Variants in SHROOM3 observed in about 807,000 individuals in gnomAD.
SHROOM3 encodes protein Shroom3.
A neutral mutation model predicts 138.6 loss-of-function variants in SHROOM3; 47 were observed. That is an observed-to-expected ratio of 0.34 (90% CI 0.27 to 0.43). The LOEUF (loss-of-function observed/expected upper bound fraction) is 0.43, where lower values mean the gene tolerates loss of function less well. Among genes scored for constraint, SHROOM3 ranks in the 20% least tolerant of loss-of-function variants. The pLI is 1.00. For missense variants in SHROOM3, 2,491 were observed against 2,596.5 expected (o/e 0.96, Z 0.88); for synonymous variants, 1,062 against 1,063.3 (o/e 1.00, Z 0.02).
At chr4:76,638,066 T>C (rs1202181272) in intron 2 of SHROOM3, among the ~76,000 whole-genome samples, 1 of 152,048 alleles carries the variant, frequency 6.6e-6, no homozygotes, top group Non-Finnish European at 1.5e-5. Context: ...CTTGGAGAGG[T>C]CAAAGAAAGC....
rs1414512165 is a variant in SHROOM3, at chr4:76,646,227, T to TAAATAA, written c.324-63928_324-63927insAATAAA. On this transcript the variant is annotated intron_variant, in intron 2 of 10. Coordinates refer to ENST00000296043, the MANE Select transcript of SHROOM3 (RefSeq NM_020859.4). Reference sequence around the variant, plus strand: ...TAGAACTTAAAGTATAATAAATAAATATATATATATATATATATATAAAAT... The same window carrying TAAATAA: ...TAGAACTTAAAGTATAATAAATAAATAAATAAATATATATATATATATATATAAAAT... Among the ~76,000 whole-genome samples the TAAATAA allele has an allele frequency of 1.3e-3, 166 of 130,198 alleles. 5 individuals carry two copies. The highest frequency in any genetic ancestry group is 3.2e-3 in the African/African-American group (113 of 34,816). The allele number at this position is 130,198 out of a possible 152,430, so 85.4% of individuals were successfully genotyped here. A position where few individuals can be genotyped will look rare whatever the true frequency, so the allele number is the denominator to read the frequency against.
rs942623716 is a variant in SHROOM3, at chr4:76,754,902, C to G, written c.4419C>G (p.Asp1473Glu). Residue 1473 changes from aspartate to glutamate, a missense_variant, in exon 7 of 11, where the codon GAC becomes GAG. This residue lies in a region of SHROOM3 where 1,733 missense variants were observed against 1,661.6 expected (regional missense o/e 1.04). Coordinates refer to ENST00000296043, the MANE Select transcript of SHROOM3 (RefSeq NM_020859.4). ...LPSLCSTSDPDTPLGAPSTPG... is the reference protein window; with the variant it reads ...LPSLCSTSDPETPLGAPSTPG... The stretch of plus-strand genomic sequence containing the variant: ...GTTTATGCAGCACTTCTGACCCAGA[C>G]ACACCTCTTGGGGCCCCGAGCACTC... The G allele has an allele frequency of 3.1e-6, 5 of 1,614,222 alleles. No individual in the cohort carries two copies. The highest frequency in any genetic ancestry group is 4.2e-6 in the Non-Finnish European group (5 of 1,180,026).
intron 6 of SHROOM3, among the ~76,000 whole-genome samples, chr4:76,751,812 C>T (rs1002347090): frequency 6.6e-6 from 1 of 152,132 alleles, no homozygotes; most frequent in Non-Finnish European, 1.5e-5. Flanking sequence ...GAAAAACAAC[C>T]AGTGTTGGTG....
At chr4:76,547,273 G>C (rs1439768372) in intron 1 of SHROOM3, among the ~76,000 whole-genome samples, 2 of 152,200 alleles carry the variant, frequency 1.3e-5, no homozygotes, top group Non-Finnish European at 2.9e-5. Context: ...GGGCTCTGAG[G>C]TTAGTCTTGA....
intron 2 of SHROOM3, among the ~76,000 whole-genome samples, chr4:76,642,311 C>T (rs544591805): frequency 1.2e-4 from 19 of 152,264 alleles, no homozygotes; most frequent in Non-Finnish European, 2.8e-4. Context: ...CACCCTCAAC[C>T]CCCAAAGCCA....
chr4:76,650,277 C>G (rs1356400785), intron 2 of SHROOM3, among the ~76,000 whole-genome samples: 2 of 152,142 alleles, frequency 1.3e-5, no homozygotes. Context: ...ATTCAAAAGA[C>G]AGGCAATGAC....
chr4:76,457,495 ATTT>A, intron 1 of SHROOM3, among the ~76,000 whole-genome samples: 1 of 142,514 alleles, frequency 7.0e-6, no homozygotes, highest in African/African-American at 2.6e-5. Flanking sequence ...TTTCTTTATA[ATTT>A]TTTTTTTTTT....
In SHROOM3 at chr4:76,614,850, G is replaced by C. The variant is rs966456139; in HGVS notation, c.323+59087G>C. Among the ~76,000 whole-genome samples the C allele has an allele frequency of 2.6e-5, 4 of 152,338 alleles. No individual in the cohort carries two copies. In the East Asian group the frequency reaches 7.7e-4, roughly 29 times the overall value. ...AGTCAAATGCCATTTGCAGATGCTGGCCTGGGGTCAGAGAGGCTCATGGAA... is the reference window on the plus strand; with the variant it reads ...AGTCAAATGCCATTTGCAGATGCTGCCCTGGGGTCAGAGAGGCTCATGGAA... On this transcript the variant is annotated intron_variant, in intron 2 of 10. Transcript: ENST00000296043.
rs140465589 is a variant in SHROOM3 at position 76,751,933 on chromosome 4, A to C, written c.3828-2378A>C. On this transcript the variant is annotated intron_variant, in intron 6 of 10. Coordinates refer to ENST00000296043, the MANE Select transcript of SHROOM3 (RefSeq NM_020859.4). ...AGAACATTAAAAATAGAACTACCAT[A>C]TGATCTGGCAATGCCACTTCAGAGT... is the stretch of plus-strand genomic sequence containing the variant. 3.7e-3 allele frequency among the ~76,000 whole-genome samples: 561 copies of C among 152,342 alleles called. 19 individuals are homozygous for C. The highest frequency in any genetic ancestry group is 0.034 in the Admixed American group (518 of 15,308).
At chr4:76,689,404 C>T (rs1314685548) in intron 2 of SHROOM3, among the ~76,000 whole-genome samples, 9 of 136,390 alleles carry the variant, frequency 6.6e-5, no homozygotes, top group African/African-American at 2.3e-4. Context: ...GTGCGGCGGG[C>T]GCGGGGTGGA....
intron 1 of SHROOM3, among the ~76,000 whole-genome samples, chr4:76,529,360 A>G (rs1579215388): frequency 6.6e-6 from 1 of 151,288 alleles, no homozygotes; most frequent in East Asian, 1.9e-4. Flanking sequence ...TCTGTTGCCC[A>G]GGCTGGAGTG....
At chr4:76,451,322 C>T (rs916191303) in intron 1 of SHROOM3, among the ~76,000 whole-genome samples, 2 of 152,190 alleles carry the variant, frequency 1.3e-5, no homozygotes, top group Non-Finnish European at 1.5e-5. Flanking sequence ...AAGCATGTCA[C>T]AGAGTCCTAA....
chr4:76,494,915 AAAAC>A lies in SHROOM3; in HGVS notation c.168+58712_168+58715del, dbSNP rs367734035. Among the ~76,000 whole-genome samples the A allele has an allele frequency of 5.3e-3, 813 of 152,304 alleles. 8 individuals are homozygous for A. The highest frequency in any genetic ancestry group is 0.019 in the African/African-American group (778 of 41,560). On this transcript the variant is annotated intron_variant, in intron 1 of 10. Transcript: ENST00000296043. ...ATAATTCAAAGGCCTGTTCTGTTAA[AAAAC>A]AAACAAACAAACAAACTCTTAACTA... is the stretch of plus-strand genomic sequence containing the variant.
chr4:76,767,919 T>G (rs1722216357), intron 9 of SHROOM3, among the ~76,000 whole-genome samples: 1 of 152,216 alleles, frequency 6.6e-6, no homozygotes, highest in Admixed American at 6.5e-5. Flanking sequence ...TTCTAGAAAT[T>G]CTGCTTCTCA....
At chr4:76,732,179 C>T (rs535701620) in intron 4 of SHROOM3, among the ~76,000 whole-genome samples, 1 of 152,232 alleles carries the variant, frequency 6.6e-6, no homozygotes, top group East Asian at 1.9e-4. Flanking sequence ...GCTTAGATAG[C>T]GCTAATGTAG....
chr4:76,552,072 A>C lies in SHROOM3; in HGVS notation c.169-3537A>C, dbSNP rs182855471. Among the ~76,000 whole-genome samples, 47 of 149,076 alleles carry C rather than the reference A, an allele frequency of 3.2e-4. 1 individual carries two copies. The East Asian group carries it at 8.5e-3, about 27-fold the overall frequency. The stretch of plus-strand genomic sequence containing the variant: ...GAGACGGGGTTTCACCGTGTTAGCC[A>C]GGATGGACTCGATCTCCTGACCTTG... On this transcript the variant is annotated intron_variant, in intron 1 of 10. Coordinates refer to ENST00000296043, the MANE Select transcript of SHROOM3 (RefSeq NM_020859.4).
chr4:76,745,347 GT>G (rs1353213428), intron 5 of SHROOM3, among the ~76,000 whole-genome samples: 3 of 152,210 alleles, frequency 2.0e-5, no homozygotes, highest in African/African-American at 7.2e-5. Context: ...AAGATTACTG[GT>G]GGGGATATTT....
At chr4:76,504,162 A>AT (rs201256767) in intron 1 of SHROOM3, among the ~76,000 whole-genome samples, 2,446 of 152,068 alleles carry the variant, frequency 0.016, 52 homozygotes, top group African/African-American at 0.056. Flanking sequence ...TTCTCAAAAA[A>AT]ATTTTTTTTT....
At chr4:76,522,926 T>C (rs1732596528) in intron 1 of SHROOM3, among the ~76,000 whole-genome samples, 1 of 152,242 alleles carries the variant, frequency 6.6e-6, no homozygotes, top group Non-Finnish European at 1.5e-5. Context: ...GCATCTATAT[T>C]GTGTGTCTAT....
Sources: gnomAD v4.1 joint callset for allele counts (sites outside exome capture counted in the v4.1 genomes callset) on GRCh38, gnomAD v4.1.1 for gene constraint, gnomAD v4.1.1 regional missense constraint, MANE v1.5 for transcripts, NCBI Gene and HGNC (gene_info 2026-07-23, HGNC 2026-07-21) for gene names.